Variants in RAB3C observed in about 807,000 individuals in gnomAD.
The protein encoded by RAB3C is ras-related protein Rab-3C.
RAB3C carries 17 observed loss-of-function variants against 26.4 expected under a neutral mutation model. The ratio of observed to expected loss-of-function variants is 0.64; its 90% confidence interval spans 0.44 to 0.97. The LOEUF is 0.97. Among genes scored for constraint, RAB3C ranks in the 50% least tolerant of loss-of-function variants. The pLI is 0.00. For synonymous variants in RAB3C, 91 were observed against 95.9 expected (o/e 0.95, Z 0.30); for missense variants, 242 against 281.9 (o/e 0.86, Z 1.01).
chr5:58,618,818 A>G (rs1340888571), intron 2 of RAB3C, among the ~76,000 whole-genome samples: 1 of 152,146 alleles, frequency 6.6e-6, no homozygotes, highest in Non-Finnish European at 1.5e-5. Context: ...TTTGATCTGT[A>G]ATCAGGCATT....
chr5:58,809,809 C>T lies in RAB3C; in HGVS notation c.372-15229C>T, dbSNP rs150369005. On this transcript the variant is annotated intron_variant, in intron 3 of 4. Transcript: ENST00000282878. The stretch of plus-strand genomic sequence containing the variant: ...CAGTCTTACTTTGAGCTTGGAATTC[C>T]CAGACTCCAAACTGAGAGAAATAAA... 3.9e-4 allele frequency among the ~76,000 whole-genome samples: 59 copies of T among 152,274 alleles called. No homozygotes were observed. The East Asian group carries it at 7.7e-3, about 20-fold the overall frequency.
At chr5:58,785,349 A>C (rs73757979) in intron 3 of RAB3C, among the ~76,000 whole-genome samples, 7,683 of 152,320 alleles carry the variant, frequency 0.05, 273 homozygotes, top group African/African-American at 0.1. Context: ...AATGTGCAGG[A>C]CAGATTGGCA....
chr5:58,666,881 G>A (rs71626116), intron 2 of RAB3C, among the ~76,000 whole-genome samples: 2 of 152,204 alleles, frequency 1.3e-5, no homozygotes, highest in South Asian at 4.1e-4. Flanking sequence ...ACAGCAGTGA[G>A]GTGATGACGT....
intron 1 of RAB3C, among the ~76,000 whole-genome samples, chr5:58,590,810 G>C (rs1482442115): frequency 1.3e-5 from 2 of 152,138 alleles, no homozygotes; most frequent in African/African-American, 4.8e-5. Context: ...CTCCCAAAGT[G>C]CTGGGATTAC....
At chr5:58,730,134 C>T (rs897304294) in intron 3 of RAB3C, among the ~76,000 whole-genome samples, 13 of 151,626 alleles carry the variant, frequency 8.6e-5, no homozygotes, top group Non-Finnish European at 1.3e-4. Context: ...TTTATCTTTT[C>T]GTTTTTCTTA....
At chr5:58,614,757 T>G (rs955280049) in intron 1 of RAB3C, among the ~76,000 whole-genome samples, 1 of 152,162 alleles carries the variant, frequency 6.6e-6, no homozygotes, top group Admixed American at 6.6e-5. Flanking sequence ...ATTAGTGATA[T>G]CTATATAGTT....
chr5:58,801,708 C>T (rs1742811628), intron 3 of RAB3C, among the ~76,000 whole-genome samples: 1 of 152,234 alleles, frequency 6.6e-6, no homozygotes, highest in African/African-American at 2.4e-5. Context: ...TTATGAGACC[C>T]TCATTGGTTT....
intron 3 of RAB3C, among the ~76,000 whole-genome samples, chr5:58,791,987 GATA>G (rs1205790913): frequency 2.0e-5 from 3 of 152,216 alleles, no homozygotes; most frequent in Non-Finnish European, 4.4e-5. Context: ...AACAATGACT[GATA>G]ATAAAGTTGT....
chr5:58,682,589 C>T (rs1183220386), intron 2 of RAB3C, among the ~76,000 whole-genome samples: 2 of 151,054 alleles, frequency 1.3e-5, no homozygotes, highest in African/African-American at 4.9e-5. Flanking sequence ...GAGGCTGAGG[C>T]GGGAGAATGG....
At chr5:58,837,305 C>T (rs529495964) in intron 4 of RAB3C, among the ~76,000 whole-genome samples, 17 of 152,000 alleles carry the variant, frequency 1.1e-4, no homozygotes, top group African/African-American at 3.9e-4. Context: ...CCTCAGTCTC[C>T]CAAGTAGCTG....
chr5:58,790,895 C>G (rs966467673), intron 3 of RAB3C, among the ~76,000 whole-genome samples: 1 of 152,058 alleles, frequency 6.6e-6, no homozygotes, highest in Non-Finnish European at 1.5e-5. Context: ...CCAGAAGGCC[C>G]GTGGTGACAA....
intron 2 of RAB3C, among the ~76,000 whole-genome samples, chr5:58,712,420 G>A (rs1749078741): frequency 6.6e-6 from 1 of 152,136 alleles, no homozygotes; most frequent in Non-Finnish European, 1.5e-5. Context: ...TATCAATTTT[G>A]AGTCCAAACA....
chr5:58,605,717 G>A (rs141451265), intron 1 of RAB3C, among the ~76,000 whole-genome samples: 1,879 of 152,218 alleles, frequency 0.012, 15 homozygotes, highest in Non-Finnish European at 0.021. Flanking sequence ...GGCCAACATA[G>A]TGAAACCCTG....
intron 2 of RAB3C, among the ~76,000 whole-genome samples, chr5:58,683,347 G>C (rs1052220308): frequency 2.0e-5 from 3 of 151,032 alleles, no homozygotes; most frequent in Admixed American, 6.6e-5. Context: ...ATTCTTTTTT[G>C]TTATTTTTCT....
intron 4 of RAB3C, chr5:58,848,582 A>C (rs1234800099): frequency 6.6e-6 from 1 of 152,214 alleles, no homozygotes; most frequent in Admixed American, 6.5e-5. Flanking sequence ...CTACTAATGG[A>C]TAAAATGAGT....
chr5:58,666,477 A>G (rs556985762), intron 2 of RAB3C, among the ~76,000 whole-genome samples: 2 of 152,222 alleles, frequency 1.3e-5, no homozygotes, highest in Non-Finnish European at 2.9e-5. Context: ...ATAAATGAGA[A>G]TCACTTGGAG....
intron 2 of RAB3C, among the ~76,000 whole-genome samples, chr5:58,652,026 A>T (rs560788795): frequency 1.8e-4 from 28 of 151,934 alleles, no homozygotes; most frequent in South Asian, 6.2e-4. Context: ...TATTTTCCAT[A>T]CTTGGTTGTT....
At chr5:58,650,614 T>TTTA (rs1747623475) in intron 2 of RAB3C, among the ~76,000 whole-genome samples, 1 of 152,188 alleles carries the variant, frequency 6.6e-6, no homozygotes, top group African/African-American at 2.4e-5. Flanking sequence ...CATACCTCAG[T>TTTA]TTATCAGCTT....
At chr5:58,638,017 T>C (rs1164611746) in intron 2 of RAB3C, among the ~76,000 whole-genome samples, 1 of 152,130 alleles carries the variant, frequency 6.6e-6, no homozygotes, top group Non-Finnish European at 1.5e-5. Context: ...CTGATTATTT[T>C]TGTCATTATA....
Sources: gnomAD v4.1 joint callset for allele counts (sites outside exome capture counted in the v4.1 genomes callset) on GRCh38, gnomAD v4.1.1 for gene constraint, MANE v1.5 for transcripts, NCBI Gene and HGNC (gene_info 2026-07-23, HGNC 2026-07-21) for gene names.